Variants in UNC13C observed in about 807,000 individuals in gnomAD.
UNC13C encodes protein unc-13 homolog C.
UNC13C carries 174 observed loss-of-function variants against 245.4 expected under a neutral mutation model. The observed-to-expected ratio is 0.71, with a 90% CI of 0.63 to 0.80. UNC13C has a LOEUF of 0.80. UNC13C is among the 30% of genes least tolerant of loss of function. The pLI, the probability that UNC13C is intolerant of heterozygous loss-of-function variation, is 0.00. For missense variants in UNC13C, 2,829 were observed against 2,602.9 expected (o/e 1.09, Z -1.89); for synonymous variants, 992 against 895.1 (o/e 1.11, Z -1.93).
intron 2 of UNC13C, among the ~76,000 whole-genome samples, chr15:54,103,134 T>C (rs973669176): frequency 2.6e-5 from 4 of 152,280 alleles, no homozygotes; most frequent in Admixed American, 2.0e-4. Context: ...TTTGTTTCAT[T>C]CCGATCACAG....
the UNC13C span, among the ~76,000 whole-genome samples, chr15:53,897,399 G>A: frequency 1.6e-4 from 25 of 152,258 alleles, no homozygotes; most frequent in African/African-American, 5.5e-4. Context: ...GAACTTTTTC[G>A]AGTACATGGA....
chr15:54,030,995 T>G (rs1896334504), intron 2 of UNC13C, among the ~76,000 whole-genome samples: 1 of 152,086 alleles, frequency 6.6e-6, no homozygotes. Flanking sequence ...CTTTTTCCAG[T>G]CACACTCCCC....
chr15:54,608,543 C>T (rs1434344644), intron 30 of UNC13C, among the ~76,000 whole-genome samples: 3 of 152,084 alleles, frequency 2.0e-5, no homozygotes, highest in South Asian at 4.1e-4. Flanking sequence ...TTTGCTTTCT[C>T]GTTTATATTT....
the UNC13C span, among the ~76,000 whole-genome samples, chr15:53,930,057 C>T: frequency 6.6e-6 from 1 of 152,258 alleles, no homozygotes; most frequent in Non-Finnish European, 1.5e-5. Flanking sequence ...ACTCAGCTGG[C>T]CGCCTTGACC....
At chr15:54,569,435 A>G (rs1006382754) in intron 30 of UNC13C, among the ~76,000 whole-genome samples, 2 of 152,188 alleles carry the variant, frequency 1.3e-5, no homozygotes, top group African/African-American at 4.8e-5. Context: ...AGTATTGTTT[A>G]TGGAATAATA....
intron 4 of UNC13C, among the ~76,000 whole-genome samples, chr15:54,207,149 T>C (rs2034741067): frequency 1.3e-5 from 2 of 151,858 alleles, no homozygotes; most frequent in South Asian, 4.2e-4. Flanking sequence ...ATGATGATGA[T>C]GATAATTACA....
chr15:53,950,883 C>T, the UNC13C span, among the ~76,000 whole-genome samples: 6 of 152,148 alleles, frequency 3.9e-5, no homozygotes, highest in Admixed American at 1.3e-4. Context: ...TCTTCATCAA[C>T]GTAATCCTAA....
chr15:54,537,236 T>A (rs1203981626), intron 26 of UNC13C, among the ~76,000 whole-genome samples: 4 of 151,428 alleles, frequency 2.6e-5, no homozygotes, highest in Non-Finnish European at 5.9e-5. Context: ...AATAGCCACA[T>A]ACACACATAC....
At chr15:54,527,384 G>T (rs1446879896) in intron 25 of UNC13C, among the ~76,000 whole-genome samples, 2 of 151,904 alleles carry the variant, frequency 1.3e-5, no homozygotes, top group African/African-American at 2.4e-5. Flanking sequence ...GCAAAGTTAG[G>T]GGGAGGAAAA....
chr15:54,466,843 T>G (rs1040235779), intron 19 of UNC13C, among the ~76,000 whole-genome samples: 1 of 151,906 alleles, frequency 6.6e-6, no homozygotes. Flanking sequence ...AATAAAAGAT[T>G]AATAATGGCT....
chr15:54,497,367 A>G (rs1021004275), intron 20 of UNC13C, among the ~76,000 whole-genome samples: 3 of 152,162 alleles, frequency 2.0e-5, no homozygotes, highest in Non-Finnish European at 2.9e-5. Context: ...AACAGCCAAC[A>G]GTAGCTCAGA....
intron 2 of UNC13C, among the ~76,000 whole-genome samples, chr15:54,127,057 A>G (rs369014212): frequency 2.0e-5 from 3 of 152,174 alleles, no homozygotes; most frequent in African/African-American, 7.2e-5. Context: ...AGGAAACAAT[A>G]GGTGGTGGAG....
At chr15:54,053,505 T>C (rs1034304112) in intron 2 of UNC13C, among the ~76,000 whole-genome samples, 2 of 152,216 alleles carry the variant, frequency 1.3e-5, no homozygotes, top group Non-Finnish European at 2.9e-5. Context: ...TGGTTTTTAT[T>C]GGCTGTATAT....
the UNC13C span, among the ~76,000 whole-genome samples, chr15:53,960,216 A>G: frequency 3.3e-5 from 5 of 152,118 alleles, no homozygotes; most frequent in African/African-American, 4.8e-5. Context: ...ATGTAACCTA[A>G]GTCTTAGTTT....
chr15:53,949,154 A>G, the UNC13C span, among the ~76,000 whole-genome samples: 507 of 152,286 alleles, frequency 3.3e-3, 2 homozygotes, highest in Non-Finnish European at 5.6e-3. Context: ...GCACCTTATT[A>G]AGAACTTACC....
intron 1 of UNC13C, among the ~76,000 whole-genome samples, chr15:54,010,029 A>G (rs1406944660): frequency 1.3e-5 from 2 of 152,054 alleles, no homozygotes; most frequent in African/African-American, 2.4e-5. Context: ...ATGCTTCTCC[A>G]CCTTTGCACA....
intron 30 of UNC13C, among the ~76,000 whole-genome samples, chr15:54,610,942 T>A (rs1327627673): frequency 1.3e-5 from 2 of 152,342 alleles, no homozygotes; most frequent in African/African-American, 2.4e-5. Context: ...ATTAAAAAAA[T>A]TTTAGACAAC....
Position 54,555,435 on chromosome 15 carries a change from C to G in UNC13C, c.5881C>G (p.His1961Asp), listed in dbSNP as rs756905758. 8.7e-6 allele frequency: 14 copies of G among 1,612,080 alleles called. No individual in the cohort carries two copies. The highest frequency in any genetic ancestry group is 1.2e-5 in the Non-Finnish European group (14 of 1,178,818). ...CAATTCTTCACCTGTTTTCCAGGAG[C>G]ACATGATTCGAGAGGATGCCAGGGG... Reference protein sequence around the residue: ...DLGQLSKLKEHMIREDARGLT... With the variant: ...DLGQLSKLKEDMIREDARGLT... Residue 1961 changes from histidine to aspartate, a missense_variant, in exon 29 of 33, where the codon CAC becomes GAC. His to Asp is a moderately conservative substitution (Grantham distance 81). Coordinates refer to ENST00000260323, the MANE Select transcript of UNC13C (RefSeq NM_001080534.3).
chr15:53,867,563 GA>G, the UNC13C span, among the ~76,000 whole-genome samples: 1 of 152,146 alleles, frequency 6.6e-6, no homozygotes, highest in African/African-American at 2.4e-5. Flanking sequence ...TTTCTGGTGA[GA>G]AAAGACTTTG....
Sources: gnomAD v4.1 joint callset for allele counts (sites outside exome capture counted in the v4.1 genomes callset) on GRCh38, gnomAD v4.1.1 for gene constraint, MANE v1.5 for transcripts, NCBI Gene and HGNC (gene_info 2026-07-23, HGNC 2026-07-21) for gene names.